SLC38A6: variants seen among roughly 807,000 people sequenced by gnomAD.
The protein encoded by SLC38A6 is N system amino acid transporter NAT-1.
In SLC38A6, 73 loss-of-function variants were observed where a neutral mutation model predicts 65.0. The observed-to-expected ratio is 1.12, with a 90% CI of 0.93 to 1.37. The LOEUF is 1.37. Ranked by LOEUF, SLC38A6 falls within the 40% of genes most tolerant of loss-of-function variation. SLC38A6 has a pLI of 0.00. For missense variants in SLC38A6, 561 were observed against 531.1 expected (o/e 1.06, Z -0.55); for synonymous variants, 183 against 178.8 (o/e 1.02, Z -0.19).
intron 3 of SLC38A6, among the ~76,000 whole-genome samples, chr14:61,000,710 C>T (rs968933452): frequency 1.3e-5 from 2 of 152,134 alleles, no homozygotes; most frequent in African/African-American, 4.8e-5. Context: ...GACACTGACA[C>T]ATACCATTTC....
intron 15 of SLC38A6, among the ~76,000 whole-genome samples, chr14:61,062,980 A>G (rs2042903997): frequency 1.3e-5 from 2 of 152,032 alleles, no homozygotes; most frequent in Admixed American, 6.5e-5. Context: ...TGCCCAGCCA[A>G]TTTCTGTTCT....
At chr14:60,990,317 G>T (rs1396757805) in intron 3 of SLC38A6, among the ~76,000 whole-genome samples, 1 of 151,970 alleles carries the variant, frequency 6.6e-6, no homozygotes, top group Non-Finnish European at 1.5e-5. Flanking sequence ...AGGTGTGAGT[G>T]ATCTCTTTTC....
intron 5 of SLC38A6, among the ~76,000 whole-genome samples, chr14:61,029,561 C>T (rs895490157): frequency 7.2e-5 from 11 of 152,154 alleles, no homozygotes; most frequent in Admixed American, 7.2e-4. Flanking sequence ...TAAGCTTAAA[C>T]TCAAGTATTT....
At chr14:60,986,177 T>G (rs1458317003) in intron 3 of SLC38A6, among the ~76,000 whole-genome samples, 1 of 152,242 alleles carries the variant, frequency 6.6e-6, no homozygotes, top group Non-Finnish European at 1.5e-5. Context: ...ATTTTAAGAC[T>G]CTTCAGAATA....
At chr14:61,034,555 A>C (rs1290913487) in intron 6 of SLC38A6, among the ~76,000 whole-genome samples, 1 of 152,134 alleles carries the variant, frequency 6.6e-6, no homozygotes, top group Non-Finnish European at 1.5e-5. Context: ...AGAAGGAAAC[A>C]CATTTCAGAC....
intron 12 of SLC38A6, among the ~76,000 whole-genome samples, chr14:61,047,297 T>C (rs1037689972): frequency 1.3e-5 from 2 of 152,160 alleles, no homozygotes; most frequent in African/African-American, 2.4e-5. Context: ...GAAACTGTAT[T>C]AAATTGTAGC....
chr14:61,063,708 G>GTT (rs149856935), intron 15 of SLC38A6, among the ~76,000 whole-genome samples: 97 of 28,656 alleles, frequency 3.4e-3, no homozygotes, highest in African/African-American at 6.4e-3. Flanking sequence ...AGAAGATCAA[G>GTT]ATATTTAGCA....
At chr14:61,067,923 G>A (rs184087859) in intron 15 of SLC38A6, among the ~76,000 whole-genome samples, 2 of 152,150 alleles carry the variant, frequency 1.3e-5, no homozygotes, top group East Asian at 3.9e-4. Flanking sequence ...CCCATTCACA[G>A]ATAAAAATGT....
intron 6 of SLC38A6, among the ~76,000 whole-genome samples, chr14:61,034,653 C>T (rs771858234): frequency 1.7e-4 from 26 of 152,070 alleles, no homozygotes; most frequent in Non-Finnish European, 3.4e-4. Flanking sequence ...TGTTTTGATT[C>T]TTACTCAAGA....
intron 3 of SLC38A6, among the ~76,000 whole-genome samples, chr14:61,002,921 C>T (rs1195263110): frequency 1.3e-5 from 2 of 151,906 alleles, no homozygotes; most frequent in African/African-American, 2.4e-5. Flanking sequence ...ACTGTTATTC[C>T]TGTTCTGTAG....
intron 3 of SLC38A6, chr14:61,001,959 C>T (rs2038742199): frequency 6.6e-6 from 1 of 152,094 alleles, no homozygotes; most frequent in African/African-American, 2.4e-5. Context: ...GTCTGCTGTA[C>T]CTTTACATTG....
chr14:61,074,623 A>G (rs1174958074), intron 15 of SLC38A6, among the ~76,000 whole-genome samples: 1 of 152,172 alleles, frequency 6.6e-6, no homozygotes, highest in Non-Finnish European at 1.5e-5. Flanking sequence ...ATATGAATTG[A>G]GGGGTTGGAG....
At chr14:61,039,360 A>T (rs2041629461) in intron 8 of SLC38A6, among the ~76,000 whole-genome samples, 1 of 151,652 alleles carries the variant, frequency 6.6e-6, no homozygotes, top group African/African-American at 2.4e-5. Context: ...TGGCATGTTT[A>T]TTTTATTATT....
chr14:61,070,766 A>G (rs1445259034), intron 15 of SLC38A6, among the ~76,000 whole-genome samples: 1 of 152,132 alleles, frequency 6.6e-6, no homozygotes, highest in Non-Finnish European at 1.5e-5. Flanking sequence ...GTGTGAGGCA[A>G]TATCTCATTG....
In SLC38A6 at chr14:61,043,523, A is replaced by G; in HGVS notation, c.744+20A>G. Reference sequence around the variant, plus strand: ...AAAGAGGTGTGTAAGTTATTAACAGATACTTTTAGTTGATTTTTCACATTT... The same window carrying G: ...AAAGAGGTGTGTAAGTTATTAACAGGTACTTTTAGTTGATTTTTCACATTT... On this transcript the variant is annotated intron_variant, in intron 10 of 15. Transcript: ENST00000267488. 1 of 1,568,734 alleles carries G rather than the reference A, an allele frequency of 6.4e-7. No individual in the cohort carries two copies.
chr14:61,025,705 A>G (rs1403303252), intron 5 of SLC38A6, among the ~76,000 whole-genome samples: 1 of 152,218 alleles, frequency 6.6e-6, no homozygotes, highest in East Asian at 1.9e-4. Flanking sequence ...ACAAAGATAT[A>G]CATTTTTTTC....
rs746282234 is a variant in SLC38A6 at position 61,043,146 on chromosome 14, G to C, written c.625-1G>C. The C allele has an allele frequency of 2.0e-6, 3 of 1,515,370 alleles. No homozygotes were observed. The highest frequency in any genetic ancestry group is 1.4e-5 in the African/African-American group (1 of 71,108). 93.9% of individuals were successfully genotyped at this position (1,515,370 alleles called of 1,614,324 possible). ...AGTGCTGATTCTGTTTACTTTTTTA[G>C]GTAATAATTAAAAAATGGTCCATCC... On this transcript the variant is annotated splice_acceptor_variant, in intron 8 of 15. Transcript: ENST00000267488. LOFTEE classifies it high-confidence loss of function.
At chr14:61,075,832 T>TGC (rs2043393194) in intron 15 of SLC38A6, among the ~76,000 whole-genome samples, 1 of 116,144 alleles carries the variant, frequency 8.6e-6, no homozygotes, top group Admixed American at 8.5e-5. Context: ...TGTGTGTGTG[T>TGC]ATGTATTTGG....
At chr14:60,999,875 C>A (rs1376180409) in intron 3 of SLC38A6, among the ~76,000 whole-genome samples, 3 of 152,132 alleles carry the variant, frequency 2.0e-5, no homozygotes, top group Admixed American at 6.5e-5. Context: ...ATTTAGACAT[C>A]GTGAAACTGG....
Sources: allele counts gnomAD v4.1 joint callset (sites outside exome capture counted in the v4.1 genomes callset), GRCh38; gene constraint gnomAD v4.1.1; transcripts MANE v1.5; gene names NCBI Gene and HGNC (gene_info 2026-07-23, HGNC 2026-07-21).